The following NFIA variants were observed in gnomAD, a reference collection of about 807,000 sequenced individuals.
NFIA encodes nuclear factor 1 A-type.
A neutral mutation model predicts 62.8 loss-of-function variants in NFIA; 8 were observed. The ratio of observed to expected loss-of-function variants is 0.13; its 90% confidence interval spans 0.07 to 0.23. The LOEUF (loss-of-function observed/expected upper bound fraction) is 0.23. Among genes scored for constraint, NFIA ranks in the 10% least tolerant of loss-of-function variants. The pLI, the probability that NFIA is intolerant of heterozygous loss-of-function variation, is 1.00. For missense variants in NFIA, 410 were observed against 642.1 expected (o/e 0.64, Z 3.91); for synonymous variants, 235 against 238.1 (o/e 0.99, Z 0.12).
At chr1:61,288,537 A>G (rs1415855413) in intron 3 of NFIA, among the ~76,000 whole-genome samples, 3 of 152,246 alleles carry the variant, frequency 2.0e-5, no homozygotes, top group Non-Finnish European at 2.9e-5. Flanking sequence ...AATAACAAAA[A>G]TAATGATTTT....
At chr1:61,435,888 G>T (rs572584858) in intron 10 of NFIA, among the ~76,000 whole-genome samples, 1 of 152,232 alleles carries the variant, frequency 6.6e-6, no homozygotes, top group Non-Finnish European at 1.5e-5. Flanking sequence ...AGTTGCACTT[G>T]ACCCTCTTGT....
intron 2 of NFIA, among the ~76,000 whole-genome samples, chr1:61,173,448 C>A (rs1043700437): frequency 3.3e-5 from 5 of 152,056 alleles, no homozygotes; most frequent in Non-Finnish European, 7.4e-5. Flanking sequence ...AGTGCAGTGG[C>A]GTGATCTCGG....
intron 9 of NFIA, among the ~76,000 whole-genome samples, chr1:61,415,082 A>T (rs1471159471): frequency 3.3e-5 from 5 of 152,148 alleles, no homozygotes; most frequent in Admixed American, 3.3e-4. Flanking sequence ...AAAAATTGAG[A>T]GATTATGAAA....
chr1:61,095,542 G>A (rs1174289612), intron 2 of NFIA, among the ~76,000 whole-genome samples: 1 of 152,098 alleles, frequency 6.6e-6, no homozygotes, highest in African/African-American at 2.4e-5. Flanking sequence ...TTGAATCAAA[G>A]GGAAAGTAAA....
intron 3 of NFIA, among the ~76,000 whole-genome samples, chr1:61,332,180 T>C (rs1194157083): frequency 6.6e-6 from 1 of 152,240 alleles, no homozygotes; most frequent in African/African-American, 2.4e-5. Flanking sequence ...TTAGATATGC[T>C]GTTTTTATCC....
At chr1:61,441,201 C>G (rs113512992) in intron 10 of NFIA, among the ~76,000 whole-genome samples, 2,850 of 152,198 alleles carry the variant, frequency 0.019, 38 homozygotes, top group Non-Finnish European at 0.031. Flanking sequence ...TATCATTAGA[C>G]TGACTCAAAC....
At chr1:61,277,425 G>T in intron 2 of NFIA, 95 bp from the exon 3 acceptor site, 3 of 1,098,924 alleles carry the variant, frequency 2.7e-6, no homozygotes, top group Non-Finnish European at 4.1e-6. Context: ...CCCTTTCTTA[G>T]TTTATAGGTT....
chr1:61,346,126 A>G (rs1208088582), intron 4 of NFIA, among the ~76,000 whole-genome samples: 1 of 152,162 alleles, frequency 6.6e-6, no homozygotes, highest in African/African-American at 2.4e-5. Flanking sequence ...ATGCATCTCA[A>G]CCTAGATAGG....
At chr1:61,223,553 G>A (rs571931815) in intron 2 of NFIA, among the ~76,000 whole-genome samples, 7 of 152,070 alleles carry the variant, frequency 4.6e-5, no homozygotes, top group African/African-American at 1.7e-4. Context: ...CTTATTTTTA[G>A]AATATAAGAT....
intron 2 of NFIA, among the ~76,000 whole-genome samples, chr1:61,182,325 A>G (rs974313873): frequency 1.3e-5 from 2 of 152,186 alleles, no homozygotes; most frequent in Non-Finnish European, 2.9e-5. Context: ...TGGACTTGAT[A>G]CTATAAGTCC....
intron 7 of NFIA, among the ~76,000 whole-genome samples, chr1:61,397,078 C>G (rs1665319451): frequency 6.6e-6 from 1 of 151,948 alleles, no homozygotes; most frequent in South Asian, 2.1e-4. Context: ...TATGGACACT[C>G]AAGGATTGTA....
chr1:61,095,940 A>C (rs1557561493), intron 2 of NFIA, among the ~76,000 whole-genome samples: 1 of 151,940 alleles, frequency 6.6e-6, no homozygotes, highest in Non-Finnish European at 1.5e-5. Context: ...TACATTACAT[A>C]TATTTTTATA....
intron 2 of NFIA, among the ~76,000 whole-genome samples, chr1:61,122,097 A>G (rs1352657040): frequency 6.6e-6 from 1 of 152,224 alleles, no homozygotes; most frequent in African/African-American, 2.4e-5. Context: ...GTGATTGTGA[A>G]TGGGAGTTTT....
chr1:61,123,431 A>G (rs754044363), intron 2 of NFIA, among the ~76,000 whole-genome samples: 15 of 152,210 alleles, frequency 9.9e-5, no homozygotes, highest in Non-Finnish European at 2.2e-4. Context: ...ATAGTACTCA[A>G]ATATAGGTGA....
chr1:61,194,534 A>G (rs1011427230), intron 2 of NFIA, among the ~76,000 whole-genome samples: 5 of 152,236 alleles, frequency 3.3e-5, no homozygotes, highest in Non-Finnish European at 7.3e-5. Context: ...TTAAAAAATA[A>G]CATTTTATAA....
intron 2 of NFIA, among the ~76,000 whole-genome samples, chr1:61,095,051 C>A (rs1388427438): frequency 2.0e-5 from 3 of 152,114 alleles, no homozygotes; most frequent in Non-Finnish European, 1.5e-5. Context: ...ATGTTGCTAA[C>A]CCTAAAACAA....
At chr1:61,254,131 G>T (rs1656228104) in intron 2 of NFIA, among the ~76,000 whole-genome samples, 1 of 152,066 alleles carries the variant, frequency 6.6e-6, no homozygotes, top group African/African-American at 2.4e-5. Flanking sequence ...GTCATTTGTG[G>T]CACTGAAAAT....
At chr1:61,175,023 T>TA (rs780334391) in intron 2 of NFIA, among the ~76,000 whole-genome samples, 405 of 150,754 alleles carry the variant, frequency 2.7e-3, no homozygotes, top group Non-Finnish European at 4.5e-3. Context: ...GTATAGGATT[T>TA]AAAAAAAAAC....
intron 3 of NFIA, among the ~76,000 whole-genome samples, chr1:61,296,878 A>G (rs973671770): frequency 1.3e-5 from 2 of 152,204 alleles, no homozygotes; most frequent in African/African-American, 2.4e-5. Flanking sequence ...ACCTCCTCTT[A>G]GAAAAGTCTT....
Sources: gnomAD v4.1 joint callset for allele counts (sites outside exome capture counted in the v4.1 genomes callset) on GRCh38, gnomAD v4.1.1 for gene constraint, MANE v1.5 for transcripts, NCBI Gene and HGNC (gene_info 2026-07-23, HGNC 2026-07-21) for gene names.